MARK1: variants seen among roughly 807,000 people sequenced by gnomAD.
The protein encoded by MARK1 is serine/threonine-protein kinase MARK1.
Under a neutral mutation model 96.3 loss-of-function variants are expected in MARK1, and 40 were observed. The observed-to-expected ratio is 0.42, with a 90% CI of 0.32 to 0.54. The LOEUF (loss-of-function observed/expected upper bound fraction) is 0.54. Ranked by LOEUF, MARK1 falls within the 20% of genes least tolerant of loss-of-function variation. The pLI, the probability that MARK1 is intolerant of heterozygous loss-of-function variation, is 0.16. For synonymous variants in MARK1, 317 were observed against 341.2 expected (o/e 0.93, Z 0.78); for missense variants, 719 against 984.6 (o/e 0.73, Z 3.61).
Position 220,618,869 on chromosome 1 carries a change from C to T in MARK1, c.909+114C>T, listed in dbSNP as rs1666904041. On this transcript the variant is annotated intron_variant, in intron 9 of 17. Coordinates refer to ENST00000366917, the MANE Select transcript of MARK1 (RefSeq NM_018650.5). The surrounding 1 kb of genome is among the most constrained non-coding windows in gnomAD (Gnocchi z 4.6). ...GAAAATTGCCAAATTATCTAATCTG[C>T]CTTTTGTTTGTAGGTAGGGAAAATT... 2 of 912,752 alleles carry T rather than the reference C, an allele frequency of 2.2e-6. No individual in the cohort carries two copies. The highest frequency in any genetic ancestry group is 3.4e-5 in the Admixed American group (1 of 29,810). The allele number at this position is 912,752 out of a possible 1,614,324, so 56.5% of individuals were successfully genotyped here. A position where few individuals can be genotyped will look rare whatever the true frequency, so the allele number is the denominator to read the frequency against.
At chr1:220,558,179 A>G (rs535363679) in intron 1 of MARK1, among the ~76,000 whole-genome samples, 10 of 144,982 alleles carry the variant, frequency 6.9e-5, no homozygotes, top group Non-Finnish European at 1.4e-4. Context: ...TAATAATAAT[A>G]TGGGAAATGG....
chr1:220,593,208 T>C (rs990787083), intron 3 of MARK1, among the ~76,000 whole-genome samples: 1 of 152,204 alleles, frequency 6.6e-6, no homozygotes, highest in African/African-American at 2.4e-5. Flanking sequence ...ATTTATTCTT[T>C]ATAATATGTT....
At chr1:220,649,196 A>G (rs991614414) in intron 13 of MARK1, among the ~76,000 whole-genome samples, 5 of 151,050 alleles carry the variant, frequency 3.3e-5, no homozygotes, top group African/African-American at 7.3e-5. Flanking sequence ...AATCGAATCA[A>G]TTTTCTTTGC....
chr1:220,617,213 G>A lies in MARK1; in HGVS notation c.553-1097G>A, dbSNP rs150325873. Among the ~76,000 whole-genome samples the A allele has an allele frequency of 6.7e-3, 1,022 of 152,142 alleles. 8 individuals carry two copies. Among genetic ancestry groups the A allele is most frequent in the Middle Eastern group, 0.031 (9 of 294 alleles). On this transcript the variant is annotated intron_variant, in intron 7 of 17. Coordinates refer to ENST00000366917, the MANE Select transcript of MARK1 (RefSeq NM_018650.5). ...ATATGTGCTTTTATAGTATTTATGT[G>A]ATAAATTATACCCTATTTTTATTGT...
At chr1:220,632,659 T>C (rs1667736410) in intron 11 of MARK1, among the ~76,000 whole-genome samples, 2 of 152,084 alleles carry the variant, frequency 1.3e-5, no homozygotes, top group Admixed American at 1.3e-4. Flanking sequence ...GAGTGAAACA[T>C]GAGGAAGTGA....
intron 1 of MARK1, among the ~76,000 whole-genome samples, chr1:220,556,297 G>A (rs995518161): frequency 1.3e-5 from 2 of 152,114 alleles, no homozygotes; most frequent in South Asian, 2.1e-4. Flanking sequence ...TAAGTTTAAC[G>A]GGGAGACACT....
At chr1:220,566,507 T>TA (rs1558263269) in intron 1 of MARK1, among the ~76,000 whole-genome samples, 2 of 152,146 alleles carry the variant, frequency 1.3e-5, no homozygotes, top group Admixed American at 1.3e-4. Context: ...AAACCGTTGC[T>TA]GGGGTTTTTT....
chr1:220,587,441 T>C (rs567509630), intron 3 of MARK1, among the ~76,000 whole-genome samples: 1 of 152,180 alleles, frequency 6.6e-6, no homozygotes, highest in South Asian at 2.1e-4. Context: ...TGATCTCTGC[T>C]CACTGCAACC....
At chr1:220,658,031 C>T (rs996404795) in intron 17 of MARK1, among the ~76,000 whole-genome samples, 197 bp downstream of exon 17, 3 of 152,162 alleles carry the variant, frequency 2.0e-5, no homozygotes, top group South Asian at 4.1e-4. Flanking sequence ...GTTTTCCAAA[C>T]ATGCATTTGA....
At chr1:220,626,018 A>C in intron 9 of MARK1, 2 of 552,112 alleles carry the variant, frequency 3.6e-6, no homozygotes, top group South Asian at 3.0e-5. Context: ...TGCAGATTCA[A>C]CGTCAGCAAG....
chr1:220,585,425 T>C (rs1664528297), intron 3 of MARK1, among the ~76,000 whole-genome samples: 1 of 152,206 alleles, frequency 6.6e-6, no homozygotes, highest in South Asian at 2.1e-4. Flanking sequence ...AGTTTAAATG[T>C]TGAGGATGTG....
rs1666864278 is a variant in MARK1 at position 220,618,230 on chromosome 1, T to C, written c.553-80T>C. On this transcript the variant is annotated intron_variant, in intron 7 of 17. Coordinates refer to ENST00000366917, the MANE Select transcript of MARK1 (RefSeq NM_018650.5). This position sits in a 1 kb window ranked among gnomAD's most constrained non-coding sequence, Gnocchi z 4.6. ...AATGAGGGGCAAGAGATATGTAAGT[T>C]TGGAAGCTAAAACTCTTTTACAAAT... 1 of 896,160 alleles carries C rather than the reference T, an allele frequency of 1.1e-6. No homozygotes were observed. Among genetic ancestry groups the C allele is most frequent in the African/African-American group, 1.7e-5 (1 of 59,422 alleles). 55.5% of individuals were successfully genotyped at this position (896,160 alleles called of 1,614,324 possible). A position where few individuals can be genotyped will look rare whatever the true frequency, so the allele number is the denominator to read the frequency against.
Position 220,579,383 on chromosome 1 carries a change from A to G in MARK1, c.81A>G (p.Pro27=). The G allele has an allele frequency of 1.2e-6, 2 of 1,613,966 alleles. No homozygotes were observed. Among genetic ancestry groups the G allele is most frequent in the Non-Finnish European group, 1.7e-6 (2 of 1,179,890 alleles). ...CATCTGTGGATGGATATACTGAACC[A>G]CACATCCAGCCTACCAAGTCGAGTA... The part of the protein sequence containing the change: ...NHTSVDGYTE[P]HIQPTKSSSR... The change falls in exon 2 of 18, where the codon CCA becomes CCG. Residue 27 remains proline, a synonymous_variant. Transcript: ENST00000366917.
chr1:220,636,033 A>G lies in MARK1; in HGVS notation c.1470+7A>G. On this transcript the variant is annotated splice_region_variant and intron_variant, in intron 13 of 17. Coordinates refer to ENST00000366917, the MANE Select transcript of MARK1 (RefSeq NM_018650.5). The stretch of plus-strand genomic sequence containing the variant: ...ATCTTCAACTATTCCAAGTGTGAGT[A>G]AATACTCTGGTATATTGCAATTTAT... The G allele has an allele frequency of 6.3e-7, 1 of 1,595,380 alleles. No individual in the cohort carries two copies.
At chr1:220,638,670 CTTAT>C (rs532778093) in intron 13 of MARK1, among the ~76,000 whole-genome samples, 94 of 151,986 alleles carry the variant, frequency 6.2e-4, no homozygotes, top group Admixed American at 5.2e-3. Context: ...ATATGTCACA[CTTAT>C]TTATCATTTT....
At chr1:220,541,249 A>G (rs1661126781) in intron 1 of MARK1, among the ~76,000 whole-genome samples, 1 of 152,066 alleles carries the variant, frequency 6.6e-6, no homozygotes, top group African/African-American at 2.4e-5. Context: ...TCTTTAACGT[A>G]GGTGTTTTTT....
At chr1:220,590,410 C>T (rs867587231) in intron 3 of MARK1, among the ~76,000 whole-genome samples, 41 of 152,108 alleles carry the variant, frequency 2.7e-4, no homozygotes, top group African/African-American at 9.2e-4. Flanking sequence ...CTCCTGAGTT[C>T]TCTCTCCTTG....
chr1:220,622,277 A>G (rs1667086366), intron 9 of MARK1, among the ~76,000 whole-genome samples: 1 of 152,184 alleles, frequency 6.6e-6, no homozygotes, highest in Admixed American at 6.5e-5. Flanking sequence ...TTTAACCAAG[A>G]TGGACTATAT....
chr1:220,548,230 C>T (rs986231853), intron 1 of MARK1, among the ~76,000 whole-genome samples: 2 of 152,100 alleles, frequency 1.3e-5, no homozygotes, highest in Admixed American at 6.5e-5. Flanking sequence ...TGAAGTATAT[C>T]GGAGAGAGGT....
Sources: gnomAD v4.1 joint callset for allele counts (sites outside exome capture counted in the v4.1 genomes callset) on GRCh38, gnomAD v4.1.1 for gene constraint, Gnocchi (gnomAD v3.1) non-coding constraint, MANE v1.5 for transcripts, NCBI Gene and HGNC (gene_info 2026-07-23, HGNC 2026-07-21) for gene names.